GABRR3: variants seen among roughly 807,000 people sequenced by gnomAD.
The protein encoded by GABRR3 is gamma-aminobutyric acid receptor subunit rho-3.
A neutral mutation model predicts 43.2 loss-of-function variants in GABRR3; 29 were observed. The observed-to-expected ratio is 0.67, with a 90% CI of 0.50 to 0.92. GABRR3 has a LOEUF of 0.92. GABRR3 is among the 40% of genes least tolerant of loss of function. The probability of loss-of-function intolerance (pLI) is 0.00; values close to 1 mark genes in which losing one functional copy is unlikely to be tolerated. For synonymous variants in GABRR3, 206 were observed against 195.9 expected (o/e 1.05, Z -0.43); for missense variants, 576 against 572.3 (o/e 1.01, Z -0.07).
chr3:98,005,234 C>T (rs1394419908), intron 7 of GABRR3, among the ~76,000 whole-genome samples: 1 of 151,624 alleles, frequency 6.6e-6, no homozygotes, highest in East Asian at 1.9e-4. Flanking sequence ...CACACACACA[C>T]ACACACACGA....
intron 2 of GABRR3, among the ~76,000 whole-genome samples, chr3:98,033,340 A>G (rs990535910): frequency 1.3e-5 from 2 of 152,214 alleles, no homozygotes; most frequent in African/African-American, 2.4e-5. Flanking sequence ...CTACGGGGGA[A>G]GTCTGCTTTT....
At chr3:97,985,950 T>C (rs1056421197), downstream of GABRR3, among the ~76,000 whole-genome samples, 4 of 152,106 alleles carry the variant, frequency 2.6e-5, no homozygotes, top group Admixed American at 6.5e-5. Context: ...CACTGCAACC[T>C]CTGCCTCCCA....
rs1006124233 is a variant in GABRR3 at position 97,993,100 on chromosome 3, G to A, written c.908-52C>T. 3.5e-6 allele frequency: 5 copies of A among 1,415,924 alleles called. No homozygotes were observed. The East Asian group carries it at 7.1e-5, about 20-fold the overall frequency. The allele number at this position is 1,415,924 out of a possible 1,614,324, so 87.7% of individuals were successfully genotyped here. ...CAGTGATATAGCCATTCATTTCCAG[G>A]ATCTGGTGCTGAATCACACCAGGGG... On this transcript the variant is annotated intron_variant, in intron 8 of 9. Transcript: ENST00000621172.
At chr3:98,014,969 A>G (rs1225970087) in intron 4 of GABRR3, among the ~76,000 whole-genome samples, 1 of 152,218 alleles carries the variant, frequency 6.6e-6, no homozygotes, top group East Asian at 1.9e-4. Context: ...GCTACAGTTT[A>G]TGTATCAACA....
At chr3:98,016,982 C>T (rs181321987) in intron 4 of GABRR3, among the ~76,000 whole-genome samples, 363 of 152,084 alleles carry the variant, frequency 2.4e-3, no homozygotes, top group African/African-American at 8.5e-3. Context: ...TGCAAAATGT[C>T]ATAGAAGACA....
downstream of GABRR3, chr3:97,986,649 T>C: frequency 7.3e-7 from 1 of 1,373,668 alleles, no homozygotes; most frequent in South Asian, 1.5e-5. Context: ...AAACATCATC[T>C]GGCTTTAAAG....
intron 7 of GABRR3, among the ~76,000 whole-genome samples, chr3:98,002,614 C>T (rs115473549): frequency 4.6e-5 from 7 of 152,062 alleles, no homozygotes; most frequent in African/African-American, 1.7e-4. Context: ...ATTTATATTA[C>T]CTTGCTTTAT....
rs1419341443 is a variant in GABRR3, at chr3:97,989,639, ACT to A, written c.1105-2659_1105-2658del. ...AGCCCTTTCTCATCATCCTTTGGCC[ACT>A]CTACTGTAGCAGTCTGGGAGAAGAA... On this transcript the variant is annotated intron_variant, in intron 9 of 9. Transcript: ENST00000621172. 5.9e-5 allele frequency among the ~76,000 whole-genome samples: 9 copies of A among 151,994 alleles called. No individual in the cohort carries two copies. The East Asian group carries it at 1.5e-3, about 26-fold the overall frequency.
At chr3:97,992,708 A>G in intron 9 of GABRR3, 144 bp downstream of exon 9, 3 of 671,778 alleles carry the variant, frequency 4.5e-6, no homozygotes, top group Non-Finnish European at 7.1e-6. Flanking sequence ...TTCAATGTTA[A>G]ATTGTCACCA....
chr3:98,029,096 A>G (rs1707056460), intron 2 of GABRR3, among the ~76,000 whole-genome samples: 1 of 152,036 alleles, frequency 6.6e-6, no homozygotes, highest in Admixed American at 6.6e-5. Context: ...GTCTGAGGAG[A>G]GGATCTTCTA....
At chr3:98,001,148 G>C (rs1449789858) in intron 8 of GABRR3, 1 of 153,062 alleles carries the variant, frequency 6.5e-6, no homozygotes, top group Admixed American at 6.5e-5. Context: ...TCAAATTCAA[G>C]CATCCCTTCC....
chr3:98,007,893 C>T (rs752065480), exon 7 of GABRR3: 2 of 1,569,416 alleles, frequency 1.3e-6, no homozygotes, highest in African/African-American at 1.4e-5. Flanking sequence ...AGGTCATCCT[C>T]ATTGTAGGCA....
intron 8 of GABRR3, among the ~76,000 whole-genome samples, chr3:97,993,443 T>G (rs1706497659): frequency 6.6e-6 from 1 of 152,238 alleles, no homozygotes; most frequent in Non-Finnish European, 1.5e-5. Context: ...CAATTTTTAC[T>G]GTTTATAACC....
chr3:98,028,305 A>G (rs1489699204), intron 2 of GABRR3, among the ~76,000 whole-genome samples: 2 of 152,214 alleles, frequency 1.3e-5, no homozygotes, highest in African/African-American at 4.8e-5. Context: ...GTGGAAGTAC[A>G]TGGAATTTGA....
At position 98,034,979 on chromosome 3, in the gene GABRR3, CA is replaced by C. The variant is rs1559783637; in HGVS notation, c.8del (p.Leu3ArgfsTer5). ...AGGTGAAGGAGACTAACTGGAAAGCCAGGACCATCTCTTCCAAAACAAAAAA... is the reference window on the plus strand; with the variant it reads ...AGGTGAAGGAGACTAACTGGAAAGCCGGACCATCTCTTCCAAAACAAAAAA... On this transcript the variant is annotated frameshift_variant, in exon 2 of 10. Transcript: ENST00000621172. LOFTEE classifies it high-confidence loss of function. 2 of 1,612,188 alleles carry C rather than the reference CA, an allele frequency of 1.2e-6. No homozygotes were observed. Among genetic ancestry groups the C allele is most frequent in the Non-Finnish European group, 1.7e-6 (2 of 1,178,892 alleles).
chr3:98,005,829 A>C (rs1053858894), intron 7 of GABRR3, among the ~76,000 whole-genome samples: 2 of 152,212 alleles, frequency 1.3e-5, no homozygotes, highest in East Asian at 3.8e-4. Flanking sequence ...TGTTCTGTGC[A>C]TGAGACAATT....
At chr3:98,031,321 T>C (rs970295871) in intron 2 of GABRR3, among the ~76,000 whole-genome samples, 1 of 152,172 alleles carries the variant, frequency 6.6e-6, no homozygotes, top group South Asian at 2.1e-4. Flanking sequence ...TAGCAGCTAG[T>C]CTGCAGACAT....
intron 8 of GABRR3, chr3:98,000,087 A>G (rs559897386): frequency 1.2e-4 from 18 of 152,252 alleles, no homozygotes; most frequent in African/African-American, 4.1e-4. Flanking sequence ...TAGGAATACT[A>G]CTGTTCTCTT....
intron 9 of GABRR3, 155 bp downstream of exon 9, chr3:97,992,697 G>A (rs1238780891): frequency 3.8e-6 from 1 of 262,108 alleles, no homozygotes; most frequent in Non-Finnish European, 5.9e-6. Context: ...AGAGGGTAAG[G>A]TTCAATGTTA....
Sources: gnomAD v4.1 joint callset for allele counts (sites outside exome capture counted in the v4.1 genomes callset) on GRCh38, gnomAD v4.1.1 for gene constraint, MANE v1.5 for transcripts, NCBI Gene and HGNC (gene_info 2026-07-23, HGNC 2026-07-21) for gene names.